DEPDC4: variants seen among roughly 807,000 people sequenced by gnomAD.
The protein encoded by DEPDC4 is DEP domain containing 4.
Under a neutral mutation model 52.0 loss-of-function variants are expected in DEPDC4, and 52 were observed. The ratio of observed to expected loss-of-function variants is 1.00; its 90% CI spans 0.80 to 1.26. DEPDC4 has a LOEUF of 1.26. Among genes scored for constraint, DEPDC4 ranks in the 50% most tolerant of loss-of-function variants. DEPDC4 has a pLI of 0.00. For synonymous variants in DEPDC4, 201 were observed against 196.8 expected (o/e 1.02, Z -0.18); for missense variants, 530 against 546.9 (o/e 0.97, Z 0.31).
chr12:100,273,028 A>G, the DEPDC4 span, among the ~76,000 whole-genome samples: 2 of 152,080 alleles, frequency 1.3e-5, no homozygotes, highest in Admixed American at 6.6e-5. Context: ...TGAATTGCAT[A>G]TTGAAGTTCT....
chr12:100,257,984 GAT>G (rs2096241022), intron 3 of DEPDC4, among the ~76,000 whole-genome samples: 1 of 21,792 alleles, frequency 4.6e-5, no homozygotes, highest in Non-Finnish European at 9.4e-5. Flanking sequence ...TTGATAGATA[GAT>G]AGATAGATAG....
chr12:100,263,002 G>A (rs2096259037), intron 2 of DEPDC4, among the ~76,000 whole-genome samples: 1 of 152,060 alleles, frequency 6.6e-6, no homozygotes, highest in Admixed American at 6.6e-5. Flanking sequence ...GTGTCGCCCT[G>A]GCTGGAGTAC....
intron 9 of DEPDC4, among the ~76,000 whole-genome samples, chr12:100,233,228 C>T (rs1166647164): frequency 1.3e-5 from 2 of 152,184 alleles, no homozygotes; most frequent in African/African-American, 2.4e-5. Context: ...AACTCCTCAT[C>T]TTTCTAACCC....
intron 5 of DEPDC4, among the ~76,000 whole-genome samples, 191 bp from the exon 6 acceptor site, chr12:100,252,727 C>A (rs1379302223): frequency 1.3e-5 from 2 of 152,062 alleles, no homozygotes; most frequent in Non-Finnish European, 2.9e-5. Flanking sequence ...ATGTAATATG[C>A]GATGTAGCTA....
the DEPDC4 span, among the ~76,000 whole-genome samples, chr12:100,277,696 C>T: frequency 6.6e-6 from 1 of 152,122 alleles, no homozygotes; most frequent in African/African-American, 2.4e-5. Flanking sequence ...ATTATTTACA[C>T]TTAATGTAAT....
upstream of DEPDC4, among the ~76,000 whole-genome samples, chr12:100,270,849 C>T (rs903725504): frequency 1.3e-5 from 2 of 151,594 alleles, no homozygotes; most frequent in Non-Finnish European, 2.9e-5. Context: ...GAATGTTTTA[C>T]TTCTTGTTTC....
the DEPDC4 span, among the ~76,000 whole-genome samples, chr12:100,278,188 G>GT: frequency 1.3e-5 from 2 of 151,684 alleles, no homozygotes; most frequent in Non-Finnish European, 1.5e-5. Flanking sequence ...AAAACTTTAA[G>GT]TTTTTTTTGT....
chr12:100,263,580 G>C lies in DEPDC4; in HGVS notation c.471C>G (p.Leu157=), dbSNP rs2096261491. 1 of 1,613,704 alleles carries C rather than the reference G, an allele frequency of 6.2e-7. No homozygotes were observed. Among genetic ancestry groups the C allele is most frequent in the Non-Finnish European group, 8.5e-7 (1 of 1,179,864 alleles). The change falls in exon 2 of 10, where the codon CTC becomes CTG. Residue 157 remains leucine (L), a synonymous_variant. Transcript: ENST00000550587. ...ELEFEDSNIS[L]YRFLGNKSSY... is the part of the protein sequence containing the mutation. ...ATGATTTATTGCCTAGAAACCTGTA[G>C]AGACTAATGTTGGAATCTTCAAATT...
At chr12:100,271,402 A>T (rs2096287559), upstream of DEPDC4, among the ~76,000 whole-genome samples, 1 of 152,088 alleles carries the variant, frequency 6.6e-6, no homozygotes, top group African/African-American at 2.4e-5. Context: ...ACCGTATTTC[A>T]TGTCTTCTGA....
At chr12:100,275,402 C>T in the DEPDC4 span, among the ~76,000 whole-genome samples, 1 of 152,076 alleles carries the variant, frequency 6.6e-6, no homozygotes, top group Non-Finnish European at 1.5e-5. Context: ...TGATATGTTA[C>T]CCAGGCTGAT....
upstream of DEPDC4, among the ~76,000 whole-genome samples, chr12:100,268,183 ATTTT>A (rs1234615029): frequency 5.3e-5 from 8 of 152,314 alleles, no homozygotes; most frequent in African/African-American, 1.9e-4. Flanking sequence ...GGTGTCAACT[ATTTT>A]TTAGTACGTC....
chr12:100,261,491 A>G (rs2096253462), intron 3 of DEPDC4, among the ~76,000 whole-genome samples: 2 of 152,246 alleles, frequency 1.3e-5, no homozygotes, highest in Non-Finnish European at 2.9e-5. Flanking sequence ...GGAGTGGTGC[A>G]ACAGGTAGTT....
chr12:100,244,372 A>T (rs1036986782), intron 8 of DEPDC4, among the ~76,000 whole-genome samples: 1 of 151,064 alleles, frequency 6.6e-6, no homozygotes, highest in Non-Finnish European at 1.5e-5. Context: ...TAGTAGAGAC[A>T]GGGTTTCACT....
intron 3 of DEPDC4, among the ~76,000 whole-genome samples, chr12:100,256,576 ATCTT>A (rs1377277656): frequency 5.3e-5 from 8 of 151,788 alleles, no homozygotes; most frequent in East Asian, 1.9e-4. Flanking sequence ...CTAATTATTT[ATCTT>A]TCTATTTATA....
the DEPDC4 span, among the ~76,000 whole-genome samples, chr12:100,278,388 T>TG: frequency 6.6e-6 from 1 of 152,024 alleles, no homozygotes; most frequent in Non-Finnish European, 1.5e-5. Context: ...TTTGTAGAGA[T>TG]GGGGTCTTAC....
Position 100,253,645 on chromosome 12 carries a change from T to A in DEPDC4, c.949A>T (p.Ser317Cys). 18 of 1,289,938 alleles carry A rather than the reference T, an allele frequency of 1.4e-5. No homozygotes were observed. The highest frequency in any genetic ancestry group is 1.8e-5 in the Non-Finnish European group (18 of 988,908). 79.9% of individuals were successfully genotyped at this position (1,289,938 alleles called of 1,614,324 possible). A position where few individuals can be genotyped will look rare whatever the true frequency, so the allele number is the denominator to read the frequency against. Reference protein sequence around the residue: ...YFPDQLIVTVSQQLMQNRNEE... With the variant: ...YFPDQLIVTVCQQLMQNRNEE... ...TTTCTGTTTTGCATTAACTGCTGAC[T>A]AACTGTAACTATTAACTGGTCAGGG... Residue 317 changes from serine to cysteine, a missense_variant, in exon 5 of 10, where the codon AGT (serine) becomes TGT (cysteine). Coordinates refer to ENST00000550587, the MANE Select transcript of DEPDC4 (RefSeq NM_001364818.2).
downstream of DEPDC4, chr12:100,238,104 A>C (rs1240399123): frequency 5.2e-6 from 5 of 966,494 alleles, no homozygotes; most frequent in Admixed American, 1.2e-4. Flanking sequence ...GAAGTATACT[A>C]ACTTCCTCCC....
the DEPDC4 span, among the ~76,000 whole-genome samples, chr12:100,273,763 T>A: frequency 1.3e-5 from 2 of 152,216 alleles, no homozygotes; most frequent in African/African-American, 4.8e-5. Flanking sequence ...TTTGAGCCCA[T>A]CTTAATATTT....
intron 1 of DEPDC4, 61 bp downstream of exon 1, chr12:100,266,859 T>C (rs2096276007): frequency 6.4e-7 from 1 of 1,564,052 alleles, no homozygotes. Context: ...CCCAGCCGCC[T>C]GCTCCCTTCA....
Sources: allele counts gnomAD v4.1 joint callset (sites outside exome capture counted in the v4.1 genomes callset), GRCh38; gene constraint gnomAD v4.1.1; transcripts MANE v1.5; gene names NCBI Gene and HGNC (gene_info 2026-07-23, HGNC 2026-07-21).